KIDINS220: variants seen among roughly 807,000 people sequenced by gnomAD.
KIDINS220 encodes the protein kinase D-interacting substrate of 220 kDa.
In KIDINS220, 63 loss-of-function variants were observed where a neutral mutation model predicts 157.6. That is an observed-to-expected ratio of 0.40 (90% confidence interval 0.33 to 0.49). The LOEUF (loss-of-function observed/expected upper bound fraction) is 0.49, where lower values mean the gene tolerates loss of function less well. Ranked by LOEUF, KIDINS220 falls within the 20% of genes least tolerant of loss-of-function variation. KIDINS220 has a pLI of 0.66. For missense variants in KIDINS220, 1,772 were observed against 2,171.2 expected (o/e 0.82, Z 3.65); for synonymous variants, 732 against 783.6 (o/e 0.93, Z 1.10).
At chr2:8,781,655 T>C (rs530498660) in intron 17 of KIDINS220, among the ~76,000 whole-genome samples, 9 of 152,206 alleles carry the variant, frequency 5.9e-5, no homozygotes, top group African/African-American at 2.2e-4. Context: ...AAAAACACAC[T>C]TCCAAATAAC....
chr2:8,826,943 C>T, intron 2 of KIDINS220, 43 bp downstream of exon 2: 1 of 1,152,498 alleles, frequency 8.7e-7, no homozygotes, highest in South Asian at 1.3e-5. Context: ...AGGCAGTCAA[C>T]AAATATTTGT....
intron 1 of KIDINS220, among the ~76,000 whole-genome samples, chr2:8,830,250 G>C (rs1253918887): frequency 6.6e-6 from 1 of 152,180 alleles, no homozygotes; most frequent in Non-Finnish European, 1.5e-5. Flanking sequence ...GTATTTGAAG[G>C]ATAATGGTTT....
intron 17 of KIDINS220, among the ~76,000 whole-genome samples, chr2:8,783,891 A>G (rs947212921): frequency 7.9e-5 from 12 of 152,196 alleles, no homozygotes; most frequent in Admixed American, 1.3e-4. Flanking sequence ...CGCAATCTCA[A>G]TGAAAATCCC....
chr2:8,791,659 C>T (rs1424341633), intron 12 of KIDINS220, among the ~76,000 whole-genome samples: 1 of 151,902 alleles, frequency 6.6e-6, no homozygotes, highest in East Asian at 1.9e-4. Context: ...ATATGATTAA[C>T]ACAAATAAGC....
At chr2:8,787,409 C>T (rs1672571913) in intron 15 of KIDINS220, among the ~76,000 whole-genome samples, 1 of 150,506 alleles carries the variant, frequency 6.6e-6, no homozygotes, top group South Asian at 2.1e-4. Context: ...CACTTTGTCA[C>T]CTAGGCTGCA....
rs1175305242 is a variant in KIDINS220, at chr2:8,803,082, G to C, written c.649C>G (p.Gln217Glu). 6.2e-7 allele frequency: 1 copy of C among 1,612,444 alleles called. No homozygotes were observed. The highest frequency in any genetic ancestry group is 1.1e-5 in the South Asian group (1 of 91,066). Residue 217 changes from glutamine (Q) to glutamate (E), a missense_variant, in exon 8 of 30, where the codon CAG (glutamine) becomes GAG (glutamate). This residue lies in a region of KIDINS220 where 254 missense variants were observed against 268.6 expected (regional missense o/e 0.95). Coordinates refer to ENST00000256707, the MANE Select transcript of KIDINS220 (RefSeq NM_020738.4). Reference sequence around the variant, plus strand: ...CTCTTCAAAATTTCTTTTACTGACTGTGTGTAACCTCCTTTCACTGCCACA... The same window carrying C: ...CTCTTCAAAATTTCTTTTACTGACTCTGTGTAACCTCCTTTCACTGCCACA... ...LIVAVKGGYT[Q>E]SVKEILKRNP...
chr2:8,825,392 T>G (rs1160086275), intron 2 of KIDINS220, among the ~76,000 whole-genome samples: 1 of 18,148 alleles, frequency 5.5e-5, no homozygotes, highest in African/African-American at 1.3e-4. Flanking sequence ...AAAGAAAAAG[T>G]TCTGGAATCT....
rs180920393 is a variant in KIDINS220 at position 8,730,019 on chromosome 2, G to A, written c.*701C>T. 2.3e-4 allele frequency: 224 copies of A among 985,438 alleles called. 4 individuals are homozygous for A. Among genetic ancestry groups the A allele is most frequent in the Middle Eastern group, 1.6e-3 (3 of 1,914 alleles). The allele number at this position is 985,438 out of a possible 1,614,324, so 61.0% of individuals were successfully genotyped here. A position where few individuals can be genotyped will look rare whatever the true frequency, so the allele number is the denominator to read the frequency against. The stretch of plus-strand genomic sequence containing the variant: ...GGAAGCCAGGCCTGGGATTTGGAGA[G>A]AAGAGTTTCCGACATATAAACCCAC... On this transcript the variant is annotated 3_prime_UTR_variant, in exon 30 of 30. Transcript: ENST00000256707.
chr2:8,775,433 G>A (rs539272989), intron 21 of KIDINS220, among the ~76,000 whole-genome samples: 6 of 152,244 alleles, frequency 3.9e-5, no homozygotes, highest in East Asian at 1.9e-4. Flanking sequence ...AACCACCAGC[G>A]CAAAAGGAGG....
At chr2:8,769,697 C>T (rs770729587) in intron 22 of KIDINS220, among the ~76,000 whole-genome samples, 7 of 152,022 alleles carry the variant, frequency 4.6e-5, no homozygotes, top group Non-Finnish European at 7.4e-5. Flanking sequence ...CGTTTATTCA[C>T]GAAATAAAAC....
At chr2:8,777,952 T>A (rs549713307) in intron 20 of KIDINS220, among the ~76,000 whole-genome samples, 8 of 152,304 alleles carry the variant, frequency 5.3e-5, no homozygotes, top group African/African-American at 1.9e-4. Flanking sequence ...GACATTTTTT[T>A]AAAAAGTAAG....
At chr2:8,765,911 T>C (rs750090104) in intron 22 of KIDINS220, among the ~76,000 whole-genome samples, 24 of 152,140 alleles carry the variant, frequency 1.6e-4, no homozygotes, top group Non-Finnish European at 1.0e-4. Context: ...CCAATTACTT[T>C]CTGAACTTTT....
chr2:8,729,344 T>C lies in KIDINS220; in HGVS notation c.*1376A>G, dbSNP rs1572392144. ...CCCACTGAGTGATAAACATCGAAAA[T>C]GTAACACTGAATCTAGATAATAGCG... On this transcript the variant is annotated 3_prime_UTR_variant, in exon 30 of 30. Transcript: ENST00000256707. 2.0e-6 allele frequency: 2 copies of C among 985,430 alleles called. No homozygotes were observed. The highest frequency in any genetic ancestry group is 2.4e-6 in the Non-Finnish European group (2 of 829,924). The allele number at this position is 985,430 out of a possible 1,614,324, so 61.0% of individuals were successfully genotyped here. A position where few individuals can be genotyped will look rare whatever the true frequency, so the allele number is the denominator to read the frequency against.
chr2:8,775,797 G>C (rs1170596213), intron 21 of KIDINS220, among the ~76,000 whole-genome samples: 1 of 152,144 alleles, frequency 6.6e-6, no homozygotes, highest in African/African-American at 2.4e-5. Context: ...GTGTTGATGG[G>C]AGTAATTTTC....
At chr2:8,803,272 C>T (rs1490990778) in intron 7 of KIDINS220, 145 bp from the exon 8 acceptor site, 6 of 701,304 alleles carry the variant, frequency 8.6e-6, no homozygotes, top group East Asian at 2.8e-5. Flanking sequence ...AGTAAAATGC[C>T]AAAATAAATA....
At chr2:8,834,153 C>A (rs1009743543) in intron 1 of KIDINS220, among the ~76,000 whole-genome samples, 4 of 152,104 alleles carry the variant, frequency 2.6e-5, no homozygotes, top group Admixed American at 1.3e-4. Flanking sequence ...CATTCCTGGG[C>A]CTGGGTGGCA....
intron 4 of KIDINS220, among the ~76,000 whole-genome samples, chr2:8,816,453 G>C (rs1337565845): frequency 2.0e-5 from 3 of 152,164 alleles, no homozygotes; most frequent in African/African-American, 4.8e-5. Context: ...TGAGAAGTCA[G>C]TTAAATGACA....
intron 26 of KIDINS220, among the ~76,000 whole-genome samples, chr2:8,744,025 C>G (rs1035285881): frequency 1.3e-5 from 2 of 149,322 alleles, no homozygotes; most frequent in South Asian, 2.1e-4. Flanking sequence ...ATATATCCAA[C>G]TGTTTCACAG....
At chr2:8,734,361 G>A (rs1340437621) in intron 28 of KIDINS220, among the ~76,000 whole-genome samples, 2 of 152,180 alleles carry the variant, frequency 1.3e-5, no homozygotes, top group Non-Finnish European at 2.9e-5. Flanking sequence ...GCTTTGAGGA[G>A]CCTGATGAGA....
Sources: gnomAD v4.1 joint callset for allele counts (sites outside exome capture counted in the v4.1 genomes callset) on GRCh38, gnomAD v4.1.1 for gene constraint, gnomAD v4.1.1 regional missense constraint, MANE v1.5 for transcripts, NCBI Gene and HGNC (gene_info 2026-07-23, HGNC 2026-07-21) for gene names.